Variants in COBLL1 observed in about 807,000 individuals in gnomAD.
COBLL1 encodes cordon-bleu protein-like 1.
A neutral mutation model predicts 94.8 loss-of-function variants in COBLL1; 50 were observed. The observed-to-expected ratio is 0.53, with a 90% CI of 0.42 to 0.67. The LOEUF is 0.67. Among genes scored for constraint, COBLL1 ranks in the 30% least tolerant of loss-of-function variants. COBLL1 has a pLI of 0.00. For missense variants in COBLL1, 1,362 were observed against 1,348.7 expected, an observed-to-expected ratio of 1.01 and a Z score of -0.15; for synonymous variants, 448 against 473.8, an observed-to-expected ratio of 0.95 and a Z score of 0.71.
At chr2:164,754,852 A>G (rs404682) in intron 2 of COBLL1, among the ~76,000 whole-genome samples, 72,664 of 152,060 alleles carry the variant, frequency 0.48, 18,235 homozygotes, top group African/African-American at 0.63. Context: ...TCTGTGTGAC[A>G]ATGAAGTAGA....
At chr2:164,716,017 T>G (rs898908610) in intron 7 of COBLL1, among the ~76,000 whole-genome samples, 9 of 152,220 alleles carry the variant, frequency 5.9e-5, no homozygotes, top group African/African-American at 2.2e-4. Context: ...TACTTTTCCC[T>G]GACTCTTCTT....
intron 11 of COBLL1, chr2:164,698,079 C>G (rs1231745263): frequency 2.0e-5 from 3 of 152,006 alleles, no homozygotes; most frequent in African/African-American, 7.2e-5. Context: ...ATATGCAAAT[C>G]AAAGTACTAC....
intron 3 of COBLL1, among the ~76,000 whole-genome samples, chr2:164,733,102 T>C (rs1387130135): frequency 6.6e-6 from 1 of 152,216 alleles, no homozygotes; most frequent in African/African-American, 2.4e-5. Context: ...ATTAAAGTTT[T>C]GTTTGGTTTT....
chr2:164,672,431 G>A (rs935777316), intron 1 of COBLL1, among the ~76,000 whole-genome samples: 3 of 152,086 alleles, frequency 2.0e-5, no homozygotes, highest in Admixed American at 6.5e-5. Context: ...GGGCGCGGTG[G>A]CTCACGCCTG....
intron 2 of COBLL1, among the ~76,000 whole-genome samples, chr2:164,757,046 T>C (rs893543367): frequency 6.6e-6 from 1 of 152,170 alleles, no homozygotes; most frequent in African/African-American, 2.4e-5. Flanking sequence ...AAGAAAATAC[T>C]GAGGCCTAGG....
At chr2:164,812,299 T>C (rs563644254) in intron 2 of COBLL1, among the ~76,000 whole-genome samples, 2 of 152,106 alleles carry the variant, frequency 1.3e-5, no homozygotes, top group South Asian at 4.1e-4. Flanking sequence ...TACCACAACA[T>C]TTTAATTGAT....
At chr2:164,764,064 T>A (rs914978350) in intron 2 of COBLL1, among the ~76,000 whole-genome samples, 6 of 152,250 alleles carry the variant, frequency 3.9e-5, no homozygotes, top group South Asian at 4.1e-4. Context: ...TCTGGCTAAT[T>A]TTTTTGTTTG....
intron 7 of COBLL1, among the ~76,000 whole-genome samples, chr2:164,711,187 T>G (rs1684881615): frequency 6.6e-6 from 1 of 152,302 alleles, no homozygotes. Context: ...GCTGGGATAC[T>G]TAAATGAAAT....
chr2:164,702,480 C>T (rs554138358), intron 9 of COBLL1, among the ~76,000 whole-genome samples: 5 of 146,232 alleles, frequency 3.4e-5, no homozygotes, highest in South Asian at 2.2e-4. Context: ...GGGAGAATGG[C>T]GTGAACCCAG....
intron 8 of COBLL1, 31 bp downstream of exon 8, chr2:164,704,920 CA>C (rs1684502721): frequency 6.6e-7 from 1 of 1,523,544 alleles, no homozygotes; most frequent in East Asian, 2.3e-5. Flanking sequence ...AAACACAATA[CA>C]AATGTAATGT....
At chr2:164,686,167 A>G in intron 13 of COBLL1, 135 bp from the exon 14 acceptor site, 1 of 497,976 alleles carries the variant, frequency 2.0e-6, no homozygotes, top group Non-Finnish European at 3.6e-6. Flanking sequence ...AATAAATTAT[A>G]ATCAAGAATA....
intron 2 of COBLL1, among the ~76,000 whole-genome samples, chr2:164,802,338 A>C (rs1683849637): frequency 6.6e-6 from 1 of 152,230 alleles, no homozygotes; most frequent in African/African-American, 2.4e-5. Flanking sequence ...TTAAACAGAA[A>C]AGTCCACAGA....
At chr2:164,826,939 GTTTT>G (rs1414175934) in intron 2 of COBLL1, among the ~76,000 whole-genome samples, 25 of 150,888 alleles carry the variant, frequency 1.7e-4, no homozygotes, top group African/African-American at 5.6e-4. Flanking sequence ...TGTTTTGTGG[GTTTT>G]TTGTTTTTTG....
intron 2 of COBLL1, among the ~76,000 whole-genome samples, chr2:164,768,233 C>T (rs896461849): frequency 1.3e-5 from 2 of 152,136 alleles, no homozygotes; most frequent in East Asian, 3.9e-4. Context: ...GTAAGAAAGG[C>T]AGTAGAAAAT....
Position 164,683,266 on chromosome 2 carries a change from G to T in COBLL1, c.*2680C>A, listed in dbSNP as rs577412746. ...AGAAGGAAAAGCAAAATGCCTAGAT[G>T]CTAAAAATTATACATGAAAGTCAAA... On this transcript the variant is annotated 3_prime_UTR_variant, in exon 14 of 14. Transcript: ENST00000652658. 15 of 152,040 alleles carry T rather than the reference G, an allele frequency of 9.9e-5. No homozygotes were observed. The highest frequency in any genetic ancestry group is 3.6e-4 in the African/African-American group (15 of 41,518). The allele number at this position is 152,040 out of a possible 1,614,324, so 9.4% of individuals were successfully genotyped here. A position where few individuals can be genotyped will look rare whatever the true frequency, so the allele number is the denominator to read the frequency against.
intron 2 of COBLL1, among the ~76,000 whole-genome samples, chr2:164,664,394 T>C (rs1240210564): frequency 2.0e-5 from 3 of 152,270 alleles, no homozygotes; most frequent in Admixed American, 2.0e-4. Context: ...TCATTGCCTA[T>C]ATTTGAGACT....
chr2:164,774,682 T>TA (rs1688375898), intron 2 of COBLL1, among the ~76,000 whole-genome samples: 1 of 152,192 alleles, frequency 6.6e-6, no homozygotes, highest in African/African-American at 2.4e-5. Context: ...CTGTCTCTTA[T>TA]ACAGCTCTAC....
intron 2 of COBLL1, among the ~76,000 whole-genome samples, chr2:164,750,280 A>T (rs1687063856): frequency 6.6e-6 from 1 of 152,070 alleles, no homozygotes; most frequent in Non-Finnish European, 1.5e-5. Flanking sequence ...TCTAATCCTC[A>T]TTCTCACACA....
chr2:164,688,852 G>C (rs1039773235), intron 13 of COBLL1, among the ~76,000 whole-genome samples: 6 of 115,342 alleles, frequency 5.2e-5, no homozygotes, highest in African/African-American at 1.5e-4. Context: ...TTAATACATA[G>C]TGATAAATAT....
Sources: allele counts gnomAD v4.1 joint callset (sites outside exome capture counted in the v4.1 genomes callset), GRCh38; gene constraint gnomAD v4.1.1; transcripts MANE v1.5; gene names NCBI Gene and HGNC (gene_info 2026-07-23, HGNC 2026-07-21).